PTPRO: variants seen among roughly 807,000 people sequenced by gnomAD.
The protein encoded by PTPRO is receptor-type tyrosine-protein phosphatase O.
A neutral mutation model predicts 145.2 loss-of-function variants in PTPRO; 62 were observed. The observed-to-expected ratio is 0.43, with a 90% CI of 0.35 to 0.53. The LOEUF (loss-of-function observed/expected upper bound fraction) is 0.53. Ranked by LOEUF, PTPRO falls within the 20% of genes least tolerant of loss-of-function variation. The pLI is 0.01. For synonymous variants in PTPRO, 565 were observed against 514.7 expected, an observed-to-expected ratio of 1.10 and a Z score of -1.32; for missense variants, 1,345 against 1,482.7, an observed-to-expected ratio of 0.91 and a Z score of 1.53.
At chr12:15,374,023 A>T (rs1938608723) in intron 1 of PTPRO, among the ~76,000 whole-genome samples, 1 of 152,216 alleles carries the variant, frequency 6.6e-6, no homozygotes, top group African/African-American at 2.4e-5. Context: ...GGTTTAAGAA[A>T]AGGAATGAAC....
intron 19 of PTPRO, among the ~76,000 whole-genome samples, chr12:15,572,313 A>G (rs1944071378): frequency 6.6e-6 from 1 of 152,214 alleles, no homozygotes; most frequent in Non-Finnish European, 1.5e-5. Context: ...ATTTCCCATA[A>G]GTGGAGTAAG....
chr12:15,561,241 GA>G (rs955474127), intron 17 of PTPRO, among the ~76,000 whole-genome samples: 18 of 151,530 alleles, frequency 1.2e-4, no homozygotes, highest in East Asian at 3.9e-4. Flanking sequence ...TCATAGACTG[GA>G]AAAAAAATAG....
chr12:15,403,330 T>A (rs1032712153), intron 1 of PTPRO, among the ~76,000 whole-genome samples: 1 of 152,080 alleles, frequency 6.6e-6, no homozygotes, highest in African/African-American at 2.4e-5. Flanking sequence ...CACCTGTAAT[T>A]CCAACACTTT....
chr12:15,551,642 T>G lies in PTPRO; in HGVS notation c.2529T>G (p.Ile843Met), dbSNP rs1943463565. The change falls in exon 15 of 27, where the codon ATT (isoleucine) becomes ATG (methionine). Residue 843 changes from isoleucine to methionine, a missense_variant. Physicochemically the swap from Ile to Met is conservative, Grantham distance 10. Coordinates refer to ENST00000281171, the MANE Select transcript of PTPRO (RefSeq NM_030667.3). Reference sequence around the variant, plus strand: ...GACTGTTGCTTGTTACCCTCATTATTCTTAGGAAAAAGCATCTGCAGATGG... The same window carrying G: ...GACTGTTGCTTGTTACCCTCATTATGCTTAGGAAAAAGCATCTGCAGATGG... ...LIGLLLVTLI[I>M]LRKKHLQMAR... The G allele has an allele frequency of 6.2e-7, 1 of 1,613,652 alleles. No individual in the cohort carries two copies. Among genetic ancestry groups the G allele is most frequent in the Non-Finnish European group, 8.5e-7 (1 of 1,179,786 alleles).
At chr12:15,371,334 G>A (rs1345856802) in intron 1 of PTPRO, among the ~76,000 whole-genome samples, 1 of 151,732 alleles carries the variant, frequency 6.6e-6, no homozygotes, top group African/African-American at 2.4e-5. Context: ...CTGGGTTCAA[G>A]CAATTCTCTG....
intron 1 of PTPRO, among the ~76,000 whole-genome samples, chr12:15,343,840 C>T (rs1182608954): frequency 6.6e-6 from 1 of 152,130 alleles, no homozygotes; most frequent in Non-Finnish European, 1.5e-5. Context: ...CCTGCCACCA[C>T]GCCCAGCTAA....
chr12:15,439,514 A>C (rs1940696332), intron 1 of PTPRO: 1 of 232,274 alleles, frequency 4.3e-6, no homozygotes, highest in Admixed American at 5.1e-5. Context: ...CTTCTTATCC[A>C]AGAAAACACC....
chr12:15,543,849 T>C (rs1206801777), intron 12 of PTPRO, among the ~76,000 whole-genome samples: 4 of 152,168 alleles, frequency 2.6e-5, no homozygotes, highest in Non-Finnish European at 5.9e-5. Flanking sequence ...ATAAAGAGCA[T>C]ACTGATTGAA....
intron 1 of PTPRO, among the ~76,000 whole-genome samples, chr12:15,477,621 T>C (rs967960895): frequency 6.6e-6 from 1 of 152,032 alleles, no homozygotes; most frequent in African/African-American, 2.4e-5. Flanking sequence ...AGCAAGGGTA[T>C]GGGGGCATTA....
intron 1 of PTPRO, among the ~76,000 whole-genome samples, chr12:15,421,519 A>C (rs1029382587): frequency 2.5e-4 from 38 of 152,212 alleles, no homozygotes; most frequent in African/African-American, 8.9e-4. Context: ...TAAGTACCAA[A>C]TGCTGTGATC....
intron 12 of PTPRO, among the ~76,000 whole-genome samples, chr12:15,533,217 CAAG>C (rs1942997321): frequency 6.6e-6 from 1 of 152,118 alleles, no homozygotes; most frequent in Admixed American, 6.5e-5. Flanking sequence ...TTAAACTTTA[CAAG>C]AAGGAAAGTT....
chr12:15,395,902 A>T (rs532430719), intron 1 of PTPRO, among the ~76,000 whole-genome samples: 2 of 152,246 alleles, frequency 1.3e-5, no homozygotes, highest in Admixed American at 6.5e-5. Flanking sequence ...AAGATTGATT[A>T]AGCAATGAAC....
chr12:15,324,417 T>A (rs908282508), intron 1 of PTPRO, among the ~76,000 whole-genome samples: 8 of 152,230 alleles, frequency 5.3e-5, no homozygotes, highest in African/African-American at 1.9e-4. Context: ...GTGGCCATTG[T>A]TTGACTTAAA....
chr12:15,559,969 A>G (rs1216185928), intron 16 of PTPRO, among the ~76,000 whole-genome samples: 1 of 152,176 alleles, frequency 6.6e-6, no homozygotes, highest in Non-Finnish European at 1.5e-5. Context: ...AATATATCTG[A>G]TTACAATAAG....
At chr12:15,528,650 A>C (rs1040798940) in intron 12 of PTPRO, among the ~76,000 whole-genome samples, 5 of 152,188 alleles carry the variant, frequency 3.3e-5, no homozygotes, top group African/African-American at 1.2e-4. Context: ...AACTTGAGAC[A>C]GGTACAAATA....
intron 2 of PTPRO, among the ~76,000 whole-genome samples, chr12:15,495,817 T>C (rs755331665): frequency 6.6e-6 from 1 of 152,150 alleles, no homozygotes; most frequent in Non-Finnish European, 1.5e-5. Context: ...AGTGTTTCTT[T>C]TGGGGAAGGG....
rs1183076767 is a variant in PTPRO, at chr12:15,499,499, A to G, written c.566A>G (p.Asn189Ser). ...TGGCTGCCAGGAATGTGTTATAGTAATATCACCTTTCAGCTGGTATCTGAG... is the reference window on the plus strand; with the variant it reads ...TGGCTGCCAGGAATGTGTTATAGTAGTATCACCTTTCAGCTGGTATCTGAG... ...NHWLPGMCYS[N>S]ITFQLVSEAT... The change falls in exon 4 of 27, where the codon AAT (asparagine) becomes AGT (serine). Residue 189 changes from asparagine to serine, a missense_variant. Physicochemically the swap from Asn to Ser is conservative, Grantham distance 46. This residue lies in a region of PTPRO where 1,130 missense variants were observed against 1,214.7 expected (regional missense o/e 0.93). Coordinates refer to ENST00000281171, the MANE Select transcript of PTPRO (RefSeq NM_030667.3). The G allele has an allele frequency of 6.2e-7, 1 of 1,613,660 alleles. No individual in the cohort carries two copies. The highest frequency in any genetic ancestry group is 1.1e-5 in the South Asian group (1 of 91,080).
At chr12:15,326,020 C>A (rs1324918340) in intron 1 of PTPRO, among the ~76,000 whole-genome samples, 1 of 152,098 alleles carries the variant, frequency 6.6e-6, no homozygotes. Context: ...ATATTTAATT[C>A]TATAATACAT....
intron 19 of PTPRO, among the ~76,000 whole-genome samples, chr12:15,578,540 A>C (rs1944236259): frequency 6.6e-6 from 1 of 152,216 alleles, no homozygotes; most frequent in Non-Finnish European, 1.5e-5. Context: ...GGTCAGAGTC[A>C]GGTCTGCCCT....
Sources: gnomAD v4.1 joint callset for allele counts (sites outside exome capture counted in the v4.1 genomes callset) on GRCh38, gnomAD v4.1.1 for gene constraint, gnomAD v4.1.1 regional missense constraint, MANE v1.5 for transcripts, NCBI Gene and HGNC (gene_info 2026-07-23, HGNC 2026-07-21) for gene names.